Variants in ELOVL6 observed in about 807,000 individuals in gnomAD.
ELOVL6 encodes the protein very long chain fatty acid elongase 6.
ELOVL6 carries 8 observed loss-of-function variants against 31.7 expected under a neutral mutation model. The ratio of observed to expected loss-of-function variants is 0.25; its 90% CI spans 0.15 to 0.45. The LOEUF is 0.45. Among genes scored for constraint, ELOVL6 ranks in the 20% least tolerant of loss-of-function variants. The pLI is 1.00. For synonymous variants in ELOVL6, 101 were observed against 117.7 expected, an observed-to-expected ratio of 0.86 and a Z score of 0.92; for missense variants, 126 against 326.4, an observed-to-expected ratio of 0.39 and a Z score of 4.73.
chr4:110,125,374 C>A (rs1013723039), intron 1 of ELOVL6, among the ~76,000 whole-genome samples: 1 of 152,090 alleles, frequency 6.6e-6, no homozygotes, highest in African/African-American at 2.4e-5. Context: ...CATTTCCCTA[C>A]GTGTTTCCAG....
chr4:110,095,015 T>C (rs1375538934), intron 2 of ELOVL6, among the ~76,000 whole-genome samples: 1 of 152,154 alleles, frequency 6.6e-6, no homozygotes, highest in Non-Finnish European at 1.5e-5. Context: ...AGGCAATATA[T>C]AGTCTGGTTA....
chr4:110,150,904 G>A (rs1314286068), intron 1 of ELOVL6, among the ~76,000 whole-genome samples: 3 of 152,068 alleles, frequency 2.0e-5, no homozygotes, highest in Admixed American at 6.6e-5. Context: ...TTAGCCAGAC[G>A]TGGTGGCACA....
chr4:110,069,927 T>C (rs745754137), intron 2 of ELOVL6, among the ~76,000 whole-genome samples: 16 of 152,194 alleles, frequency 1.1e-4, no homozygotes, highest in Non-Finnish European at 1.5e-4. Flanking sequence ...CCTTCTGGCC[T>C]GTTCTCCCTC....
chr4:110,074,061 T>A (rs1468220), intron 2 of ELOVL6, among the ~76,000 whole-genome samples: 36,130 of 152,066 alleles, frequency 0.24, 4,468 homozygotes, highest in Non-Finnish European at 0.26. Context: ...ATTACATAAA[T>A]TTTCAACCAA....
intron 2 of ELOVL6, among the ~76,000 whole-genome samples, chr4:110,084,545 C>T (rs1446078906): frequency 2.8e-5 from 2 of 71,018 alleles, no homozygotes; most frequent in East Asian, 4.0e-4. Flanking sequence ...CACACACACA[C>T]ACACACACAC....
At chr4:110,180,954 T>C (rs1445485429) in intron 1 of ELOVL6, among the ~76,000 whole-genome samples, 2 of 152,096 alleles carry the variant, frequency 1.3e-5, no homozygotes, top group African/African-American at 2.4e-5. Context: ...CCAGGCCCCA[T>C]AGCAAGACTC....
At chr4:110,138,726 G>GT (rs1351636243) in intron 1 of ELOVL6, among the ~76,000 whole-genome samples, 2 of 150,470 alleles carry the variant, frequency 1.3e-5, no homozygotes, top group African/African-American at 4.9e-5. Flanking sequence ...GTGATAAGAT[G>GT]TGTGGATGTG....
rs570032111 is a variant in ELOVL6, at chr4:110,063,323, C to T, written c.222-3569G>A. On this transcript the variant is annotated intron_variant, in intron 2 of 3. Coordinates refer to ENST00000302274, the MANE Select transcript of ELOVL6 (RefSeq NM_024090.3). The stretch of plus-strand genomic sequence containing the variant: ...TTCTCAGGTTTCCGGAGGCCTGCTC[C>T]TGGTGTGGCGACCCCAAGGAGGGAC... Among the ~76,000 whole-genome samples the T allele has an allele frequency of 3.3e-5, 5 of 152,264 alleles. No individual in the cohort carries two copies. The East Asian group carries it at 9.7e-4, about 29-fold the overall frequency.
At chr4:110,056,051 G>A (rs1346748791) in intron 3 of ELOVL6, among the ~76,000 whole-genome samples, 1 of 149,284 alleles carries the variant, frequency 6.7e-6, no homozygotes, top group Non-Finnish European at 1.5e-5. Flanking sequence ...ATGGAGTAAT[G>A]GTTGCTCAAC....
intron 3 of ELOVL6, among the ~76,000 whole-genome samples, chr4:110,053,705 C>T (rs573003806): frequency 1.3e-3 from 199 of 152,056 alleles, no homozygotes; most frequent in Middle Eastern, 6.8e-3. Context: ...TTTGGGAGCC[C>T]GAGGTGGGCA....
rs367871724 is a variant in ELOVL6 at position 110,059,763 on chromosome 4, T to C, written c.222-9A>G. On this transcript the variant is annotated splice_polypyrimidine_tract_variant and intron_variant, in intron 2 of 3. Transcript: ENST00000302274. ...GAAGAGCACCGAATATACTTCATAA[T>C]GAAAAGAGAAAAGAAACAGCATTTA... 274 of 1,600,536 alleles carry C rather than the reference T, an allele frequency of 1.7e-4. No individual in the cohort carries two copies. Among genetic ancestry groups the C allele is most frequent in the Non-Finnish European group, 2.2e-4 (260 of 1,173,690 alleles).
intron 2 of ELOVL6, among the ~76,000 whole-genome samples, chr4:110,100,334 A>C (rs1756706240): frequency 6.6e-6 from 1 of 152,224 alleles, no homozygotes; most frequent in African/African-American, 2.4e-5. Flanking sequence ...GATAGGTTTC[A>C]ATAAATTACC....
At chr4:110,190,998 T>C (rs1203909818) in intron 1 of ELOVL6, among the ~76,000 whole-genome samples, 1 of 151,708 alleles carries the variant, frequency 6.6e-6, no homozygotes, top group Non-Finnish European at 1.5e-5. Flanking sequence ...TTTGTATTTT[T>C]TGTAGAGACA....
intron 2 of ELOVL6, among the ~76,000 whole-genome samples, chr4:110,083,663 G>A (rs1165494682): frequency 6.6e-6 from 1 of 151,430 alleles, no homozygotes; most frequent in African/African-American, 2.4e-5. Context: ...GTGGTGAAAG[G>A]ACTGTAGTAA....
intron 2 of ELOVL6, among the ~76,000 whole-genome samples, chr4:110,103,447 A>G (rs1335132553): frequency 2.0e-5 from 3 of 152,302 alleles, no homozygotes; most frequent in Non-Finnish European, 4.4e-5. Flanking sequence ...TATTGTTTAC[A>G]TGCTAACTAA....
At chr4:110,078,482 C>A (rs927655453) in intron 2 of ELOVL6, among the ~76,000 whole-genome samples, 12 of 152,110 alleles carry the variant, frequency 7.9e-5, no homozygotes, top group African/African-American at 2.4e-4. Flanking sequence ...TCATATCCAG[C>A]CAAACTAAGC....
At chr4:110,053,910 G>T (rs1754903593) in intron 3 of ELOVL6, among the ~76,000 whole-genome samples, 1 of 151,870 alleles carries the variant, frequency 6.6e-6, no homozygotes, top group African/African-American at 2.4e-5. Context: ...CTATACTCCA[G>T]CCTGGGCGAC....
intron 2 of ELOVL6, among the ~76,000 whole-genome samples, chr4:110,088,929 A>G (rs570360501): frequency 6.6e-6 from 1 of 152,310 alleles, no homozygotes; most frequent in African/African-American, 2.4e-5. Context: ...CATTACAGTT[A>G]CCACCGGTAA....
intron 2 of ELOVL6, among the ~76,000 whole-genome samples, chr4:110,085,001 A>C (rs1451725687): frequency 6.6e-6 from 1 of 152,116 alleles, no homozygotes; most frequent in East Asian, 1.9e-4. Flanking sequence ...AATTGATTTA[A>C]TTATTCACTT....
Sources: gnomAD v4.1 joint callset for allele counts (sites outside exome capture counted in the v4.1 genomes callset) on GRCh38, gnomAD v4.1.1 for gene constraint, MANE v1.5 for transcripts, NCBI Gene and HGNC (gene_info 2026-07-23, HGNC 2026-07-21) for gene names.